Variants in DNAH12 observed in about 807,000 individuals in gnomAD.
DNAH12 encodes dynein axonemal heavy chain 12.
In DNAH12, 285 loss-of-function variants were observed where a neutral mutation model predicts 371.5. The ratio of observed to expected loss-of-function variants is 0.77; its 90% CI spans 0.70 to 0.85. DNAH12 has a LOEUF of 0.85. Among genes scored for constraint, DNAH12 ranks in the 40% least tolerant of loss-of-function variants. The pLI is 0.00. For missense variants in DNAH12, 3,611 were observed against 3,689.4 expected (o/e 0.98, Z 0.55); for synonymous variants, 1,200 against 1,213.0 (o/e 0.99, Z 0.22).
At chr3:57,448,127 T>G (rs1338267563) in intron 25 of DNAH12, among the ~76,000 whole-genome samples, 1 of 152,214 alleles carries the variant, frequency 6.6e-6, no homozygotes, top group Non-Finnish European at 1.5e-5. Flanking sequence ...TGTCTGGAAT[T>G]GGTGGGTGCT....
At chr3:57,322,537 A>C in intron 64 of DNAH12, 54 bp from the exon 65 acceptor site, 2 of 1,512,794 alleles carry the variant, frequency 1.3e-6, no homozygotes, top group Non-Finnish European at 1.8e-6. Context: ...GAGGCTCTAA[A>C]AGTGCATATA....
rs2067886668 is a variant in DNAH12, at chr3:57,509,079, G to C, written c.542+61C>G. ...AATTGTATACTTGAAGGTAAGATCA[G>C]TTTATTTTTTATCTATATCAAAAAT... On this transcript the variant is annotated intron_variant, in intron 6 of 73. Coordinates refer to ENST00000495027, the MANE Select transcript of DNAH12 (RefSeq NM_001366028.2). 3.6e-6 allele frequency: 5 copies of C among 1,403,788 alleles called. No individual in the cohort carries two copies. In the East Asian group the frequency reaches 9.2e-5, roughly 26 times the overall value. The allele number at this position is 1,403,788 out of a possible 1,614,324, so 87.0% of individuals were successfully genotyped here.
Position 57,323,137 on chromosome 3 carries a change from C to A in DNAH12, c.10253G>T (p.Trp3418Leu). 6.4e-7 allele frequency: 1 copy of A among 1,552,406 alleles called. No homozygotes were observed. Among genetic ancestry groups the A allele is most frequent in the Admixed American group, 2.0e-5 (1 of 51,014 alleles). ...AAGATGGCAATTCTGTAGGCACACC[C>A]AAGTTCCTTCTTCAATTGCTGCTTT... ...MIKAAIEEGT[W>L]VCLQNCHLAV... Residue 3418 changes from tryptophan (W) to leucine (L), a missense_variant, in exon 64 of 74, where the codon TGG becomes TTG. Around this residue, in one of 3 missense-constraint regions of DNAH12, gnomAD observed 2,266 missense variants for 2,236.9 expected, o/e 1.01. Coordinates refer to ENST00000495027, the MANE Select transcript of DNAH12 (RefSeq NM_001366028.2).
Position 57,457,817 on chromosome 3 carries a change from G to A in DNAH12, c.3240C>T (p.Ser1080=). The A allele has an allele frequency of 6.4e-7, 1 of 1,551,526 alleles. No individual in the cohort carries two copies. The highest frequency in any genetic ancestry group is 8.7e-7 in the Non-Finnish European group (1 of 1,146,962). The change falls in exon 22 of 74, where the codon TCC becomes TCT. Residue 1080 remains serine, a synonymous_variant. Coordinates refer to ENST00000495027, the MANE Select transcript of DNAH12 (RefSeq NM_001366028.2). ...CCACAGCACCCCGCGCTGCAGACGT[G>A]GAAATGAGTGCAATCAGCTCCACTC... The part of the protein sequence containing the change: ...GERVELIALI[S]TSAARGAVEK...
intron 65 of DNAH12, among the ~76,000 whole-genome samples, 169 bp downstream of exon 65, chr3:57,322,174 G>A (rs910292293): frequency 6.6e-6 from 1 of 152,134 alleles, no homozygotes; most frequent in African/African-American, 2.4e-5. Context: ...AAACTATATT[G>A]AATAAAATGG....
At chr3:57,318,569 A>C (rs1448768248) in intron 65 of DNAH12, among the ~76,000 whole-genome samples, 2 of 151,968 alleles carry the variant, frequency 1.3e-5, no homozygotes. Context: ...CAAAACCCAA[A>C]ATCCAAAATG....
At chr3:57,505,599 C>T (rs1340966904) in intron 8 of DNAH12, among the ~76,000 whole-genome samples, 1 of 152,058 alleles carries the variant, frequency 6.6e-6, no homozygotes, top group Non-Finnish European at 1.5e-5. Flanking sequence ...TGCCACCACG[C>T]CTGCCTAATT....
chr3:57,330,596 G>A (rs1366146280), intron 62 of DNAH12, among the ~76,000 whole-genome samples: 1 of 150,760 alleles, frequency 6.6e-6, no homozygotes, highest in East Asian at 2.0e-4. Context: ...ATAGCATTGG[G>A]AGATATACCT....
At chr3:57,304,133 G>T (rs1026691691) in intron 69 of DNAH12, among the ~76,000 whole-genome samples, 1 of 140,590 alleles carries the variant, frequency 7.1e-6, no homozygotes, top group Non-Finnish European at 1.5e-5. Context: ...CTTATAAAAC[G>T]GCCCCACCCC....
At chr3:57,308,622 C>T (rs1399571449) in intron 69 of DNAH12, among the ~76,000 whole-genome samples, 1 of 152,126 alleles carries the variant, frequency 6.6e-6, no homozygotes, top group Admixed American at 6.5e-5. Context: ...TCATAAATGC[C>T]CTGCTCTTGT....
intron 60 of DNAH12, among the ~76,000 whole-genome samples, chr3:57,346,552 A>T (rs78458785): frequency 1.4e-5 from 2 of 147,980 alleles, no homozygotes; most frequent in African/African-American, 5.1e-5. Context: ...ACAACAACAG[A>T]ACAAGGGCAA....
chr3:57,356,127 G>C (rs2062791469), intron 59 of DNAH12, among the ~76,000 whole-genome samples: 1 of 152,132 alleles, frequency 6.6e-6, no homozygotes, highest in African/African-American at 2.4e-5. Context: ...AGTGATTAAA[G>C]TGCAAATATC....
At chr3:57,342,135 A>G (rs2062416876) in intron 60 of DNAH12, among the ~76,000 whole-genome samples, 1 of 152,182 alleles carries the variant, frequency 6.6e-6, no homozygotes, top group South Asian at 2.1e-4. Context: ...TTCAAGACCT[A>G]AATGTAAAAC....
At chr3:57,311,087 GT>G (rs11378069) in intron 66 of DNAH12, 137 bp from the exon 67 acceptor site, 102 of 682,728 alleles carry the variant, frequency 1.5e-4, no homozygotes, top group African/African-American at 1.0e-3. Context: ...GAGATTGTTA[GT>G]TTTTTTTTGG....
intron 4 of DNAH12, among the ~76,000 whole-genome samples, chr3:57,516,809 AT>A (rs2068216495): frequency 6.6e-6 from 1 of 152,002 alleles, no homozygotes. Context: ...ACTTTTTATC[AT>A]TAAAAGTAAA....
rs756629089 is a variant in DNAH12, at chr3:57,404,728, G to T, written c.6755+241C>A. Among the ~76,000 whole-genome samples the T allele has an allele frequency of 2.0e-4, 30 of 151,878 alleles. 1 individual carries two copies. Among genetic ancestry groups the T allele is most frequent in the Non-Finnish European group, 3.4e-4 (23 of 67,932 alleles). ...GAGCAAGACTCAGTCTCAAAAAAAA[G>T]AAAAAGAAAAAAGAAACACAAGTTT... On this transcript the variant is annotated intron_variant, in intron 42 of 73. Coordinates refer to ENST00000495027, the MANE Select transcript of DNAH12 (RefSeq NM_001366028.2).
chr3:57,381,023 T>C (rs2153342127), intron 50 of DNAH12, among the ~76,000 whole-genome samples: 1 of 152,266 alleles, frequency 6.6e-6, no homozygotes, highest in African/African-American at 2.4e-5. Flanking sequence ...TCTTTGACTC[T>C]TTCAAATAAG....
At chr3:57,514,165 G>A (rs1034561463) in intron 4 of DNAH12, among the ~76,000 whole-genome samples, 3 of 152,114 alleles carry the variant, frequency 2.0e-5, no homozygotes, top group Admixed American at 1.3e-4. Flanking sequence ...AGGCTGAGGC[G>A]GGCGGATCAC....
At chr3:57,400,674 T>C (rs1238083935) in intron 43 of DNAH12, among the ~76,000 whole-genome samples, 1 of 152,236 alleles carries the variant, frequency 6.6e-6, no homozygotes, top group East Asian at 1.9e-4. Flanking sequence ...AAATATCTTA[T>C]TGTACTGTGC....
Sources: gnomAD v4.1 joint callset for allele counts (sites outside exome capture counted in the v4.1 genomes callset) on GRCh38, gnomAD v4.1.1 for gene constraint, gnomAD v4.1.1 regional missense constraint, MANE v1.5 for transcripts, NCBI Gene and HGNC (gene_info 2026-07-23, HGNC 2026-07-21) for gene names.